PRKN: variants seen among roughly 807,000 people sequenced by gnomAD.
The protein encoded by PRKN is parkin RBR E3 ubiquitin protein ligase.
PRKN carries 56 observed loss-of-function variants against 59.5 expected under a neutral mutation model. The ratio of observed to expected loss-of-function variants is 0.94; its 90% CI spans 0.76 to 1.18. The LOEUF (loss-of-function observed/expected upper bound fraction) is 1.18. Among genes scored for constraint, PRKN ranks in the 50% most tolerant of loss-of-function variants. PRKN has a pLI of 0.00. For missense variants in PRKN, 657 were observed against 596.4 expected (o/e 1.10, Z -1.06); for synonymous variants, 250 against 222.1 (o/e 1.13, Z -1.12).
intron 1 of PRKN, among the ~76,000 whole-genome samples, chr6:162,563,196 C>T (rs989818498): frequency 2.6e-5 from 4 of 151,756 alleles, no homozygotes; most frequent in South Asian, 2.1e-4. Context: ...CCCAGCTACT[C>T]GGGAGGCTGA....
At chr6:162,413,404 T>C (rs1028784636) in intron 2 of PRKN, among the ~76,000 whole-genome samples, 3 of 152,102 alleles carry the variant, frequency 2.0e-5, no homozygotes, top group Admixed American at 6.6e-5. Flanking sequence ...ACAAATGAGA[T>C]TCTTGAAACA....
intron 1 of PRKN, among the ~76,000 whole-genome samples, chr6:162,579,036 A>G (rs1780673725): frequency 6.6e-6 from 1 of 152,176 alleles, no homozygotes; most frequent in African/African-American, 2.4e-5. Context: ...AGTCTACAAA[A>G]CAATTTGAAC....
At chr6:161,857,102 GC>G (rs1793688472) in intron 6 of PRKN, among the ~76,000 whole-genome samples, 1 of 151,988 alleles carries the variant, frequency 6.6e-6, no homozygotes, top group Admixed American at 6.6e-5. Context: ...GATGGTGGGT[GC>G]CTGTAATCCC....
At chr6:161,830,602 G>A (rs762932240) in intron 6 of PRKN, among the ~76,000 whole-genome samples, 49 of 152,242 alleles carry the variant, frequency 3.2e-4, no homozygotes, top group East Asian at 1.9e-4. Flanking sequence ...GCTACTTGGC[G>A]CAAGGCATTT....
intron 2 of PRKN, among the ~76,000 whole-genome samples, chr6:162,384,311 C>T (rs1254582811): frequency 1.3e-5 from 2 of 152,056 alleles, no homozygotes; most frequent in African/African-American, 4.8e-5. Flanking sequence ...GCTCAGAGGC[C>T]ACTGTAGGAT....
At chr6:162,616,903 T>C (rs927083341) in intron 1 of PRKN, among the ~76,000 whole-genome samples, 2 of 152,188 alleles carry the variant, frequency 1.3e-5, no homozygotes, top group Non-Finnish European at 2.9e-5. Context: ...AAAAACAAAG[T>C]ATTTATTCCA....
intron 7 of PRKN, among the ~76,000 whole-genome samples, chr6:161,671,440 C>T (rs1784906908): frequency 6.6e-6 from 1 of 152,194 alleles, no homozygotes; most frequent in East Asian, 1.9e-4. Flanking sequence ...CTTCTTTATT[C>T]TGTTATCATC....
At chr6:161,723,007 G>A (rs961603740) in intron 7 of PRKN, among the ~76,000 whole-genome samples, 4 of 152,172 alleles carry the variant, frequency 2.6e-5, no homozygotes, top group Non-Finnish European at 4.4e-5. Flanking sequence ...GGTGGCTCAT[G>A]CCTGTAATCC....
In PRKN at chr6:161,399,849, TG is replaced by T. The variant is rs1156880746; in HGVS notation, c.1084-12973del. Among the ~76,000 whole-genome samples the T allele has an allele frequency of 2.0e-5, 3 of 152,058 alleles. No homozygotes were observed. The highest frequency in any genetic ancestry group is 2.9e-5 in the Non-Finnish European group (2 of 68,000). ...CAATTGAAACAGCAATAATTTTTAA[TG>T]GTCTAGTAGCTATATGAAAAGAGGA... On this transcript the variant is annotated intron_variant, in intron 9 of 11. Transcript: ENST00000366898. The surrounding 1 kb of genome is among the most constrained non-coding windows in gnomAD (Gnocchi z 4.4).
intron 5 of PRKN, among the ~76,000 whole-genome samples, chr6:162,008,381 T>A (rs1420181296): frequency 6.6e-6 from 1 of 152,124 alleles, no homozygotes; most frequent in East Asian, 1.9e-4. Flanking sequence ...TTCTTACTGA[T>A]TTTGGTCAAT....
chr6:162,433,261 A>G (rs1019210824), intron 2 of PRKN, among the ~76,000 whole-genome samples: 1 of 152,204 alleles, frequency 6.6e-6, no homozygotes, highest in Non-Finnish European at 1.5e-5. Flanking sequence ...CATTATTACT[A>G]TCTACACTTC....
Position 162,380,509 on chromosome 6 carries a change from G to GTA in PRKN, c.171+62799_171+62800dup, listed in dbSNP as rs34461270. On this transcript the variant is annotated intron_variant, in intron 2 of 11. Coordinates refer to ENST00000366898, the MANE Select transcript of PRKN (RefSeq NM_004562.3). ...TATATATACACACATATATATGTGT[G>GTA]TATATATATATATATGTATATATAC... 7.8e-3 allele frequency among the ~76,000 whole-genome samples: 325 copies of GTA among 41,644 alleles called. 4 individuals carry two copies. Among genetic ancestry groups the GTA allele is most frequent in the South Asian group, 0.011 (16 of 1,466 alleles). 27.3% of individuals were successfully genotyped at this position (41,644 alleles called of 152,430 possible). A position where few individuals can be genotyped will look rare whatever the true frequency, so the allele number is the denominator to read the frequency against.
At chr6:162,189,443 C>A (rs1784175654) in intron 4 of PRKN, among the ~76,000 whole-genome samples, 1 of 150,594 alleles carries the variant, frequency 6.6e-6, no homozygotes, top group South Asian at 2.2e-4. Context: ...CCAAGGTATA[C>A]AATGACTATT....
At chr6:161,864,911 C>T (rs1018485382) in intron 6 of PRKN, among the ~76,000 whole-genome samples, 19 of 152,164 alleles carry the variant, frequency 1.2e-4, no homozygotes, top group African/African-American at 4.6e-4. Flanking sequence ...GCCCTGGCCT[C>T]ACAAAGTGCT....
intron 5 of PRKN, among the ~76,000 whole-genome samples, chr6:162,048,881 C>G (rs563931489): frequency 1.3e-5 from 2 of 152,242 alleles, no homozygotes; most frequent in Non-Finnish European, 2.9e-5. Context: ...TAACTAAAGT[C>G]TTATGCCATA....
intron 2 of PRKN, among the ~76,000 whole-genome samples, chr6:162,311,481 CTTTT>C (rs397886856): frequency 3.9e-5 from 5 of 128,532 alleles, no homozygotes; most frequent in Admixed American, 3.3e-4. Flanking sequence ...AATTTTTTTC[CTTTT>C]TTTTTTTTTT....
chr6:162,464,299 G>T (rs1345944921), intron 1 of PRKN, among the ~76,000 whole-genome samples: 1 of 152,064 alleles, frequency 6.6e-6, no homozygotes, highest in Non-Finnish European at 1.5e-5. Context: ...CACAAAAATA[G>T]ATGTCAACAT....
chr6:162,366,555 A>G (rs1488861592), intron 2 of PRKN, among the ~76,000 whole-genome samples: 1 of 152,178 alleles, frequency 6.6e-6, no homozygotes, highest in Non-Finnish European at 1.5e-5. Context: ...ATTCCCTGTA[A>G]AGGTGTGTTA....
At chr6:162,704,082 G>A (rs1018431539) in intron 1 of PRKN, among the ~76,000 whole-genome samples, 5 of 152,130 alleles carry the variant, frequency 3.3e-5, no homozygotes, top group African/African-American at 1.2e-4. Context: ...TCTTGACCTG[G>A]TACCCGCTGA....
Sources: gnomAD v4.1 joint callset for allele counts (sites outside exome capture counted in the v4.1 genomes callset) on GRCh38, gnomAD v4.1.1 for gene constraint, Gnocchi (gnomAD v3.1) non-coding constraint, MANE v1.5 for transcripts, NCBI Gene and HGNC (gene_info 2026-07-23, HGNC 2026-07-21) for gene names.